Variants in LRRIQ3 observed in about 807,000 individuals in gnomAD.
LRRIQ3 encodes the protein leucine-rich repeat and IQ domain-containing protein 3.
A neutral mutation model predicts 59.3 loss-of-function variants in LRRIQ3; 75 were observed. The observed-to-expected ratio is 1.26, with a 90% confidence interval of 1.05 to 1.53. The LOEUF (loss-of-function observed/expected upper bound fraction) is 1.53. LRRIQ3 is among the 40% of genes most tolerant of loss of function. The pLI, the probability that LRRIQ3 is intolerant of heterozygous loss-of-function variation, is 0.00. For missense variants in LRRIQ3, 831 were observed against 710.0 expected, an observed-to-expected ratio of 1.17 and a Z score of -1.94; for synonymous variants, 250 against 231.3, an observed-to-expected ratio of 1.08 and a Z score of -0.73.
chr1:74,080,450 A>T (rs951637131), intron 5 of LRRIQ3, among the ~76,000 whole-genome samples: 6 of 151,694 alleles, frequency 4.0e-5, no homozygotes, highest in Non-Finnish European at 4.4e-5. Flanking sequence ...AGAGATAATG[A>T]TTTATCTTTA....
chr1:74,056,256 G>A (rs915651907), intron 6 of LRRIQ3, among the ~76,000 whole-genome samples: 2 of 151,968 alleles, frequency 1.3e-5, no homozygotes, highest in African/African-American at 4.8e-5. Flanking sequence ...CAAAACCATA[G>A]CTCATATCAT....
At chr1:74,105,770 T>C (rs987896467) in intron 5 of LRRIQ3, among the ~76,000 whole-genome samples, 1 of 152,032 alleles carries the variant, frequency 6.6e-6, no homozygotes, top group Non-Finnish European at 1.5e-5. Context: ...CAACATAGCA[T>C]GTATATAGTT....
At chr1:74,109,602 A>G (rs761412667) in intron 4 of LRRIQ3, 49 bp from the exon 5 acceptor site, 26 of 1,467,132 alleles carry the variant, frequency 1.8e-5, no homozygotes, top group Non-Finnish European at 2.4e-5. Context: ...TTGCCATTAA[A>G]AAACATGAAA....
At chr1:74,041,108 T>C in intron 7 of LRRIQ3, 105 bp downstream of exon 7, 1 of 910,218 alleles carries the variant, frequency 1.1e-6, no homozygotes, top group Non-Finnish European at 1.6e-6. Context: ...AAGTAGAATG[T>C]ACTATGTTAC....
chr1:74,128,943 C>A (rs1381098427), intron 4 of LRRIQ3, among the ~76,000 whole-genome samples: 1 of 152,040 alleles, frequency 6.6e-6, no homozygotes, highest in Non-Finnish European at 1.5e-5. Context: ...TTGTTCTCTT[C>A]CTACTTTCCC....
chr1:74,141,036 G>A (rs549387929), intron 4 of LRRIQ3, among the ~76,000 whole-genome samples: 1 of 151,780 alleles, frequency 6.6e-6, no homozygotes, highest in East Asian at 1.9e-4. Flanking sequence ...TTTGTCTACT[G>A]TAATATTTAT....
At chr1:74,128,877 C>G (rs889709132) in intron 4 of LRRIQ3, among the ~76,000 whole-genome samples, 1 of 152,060 alleles carries the variant, frequency 6.6e-6, no homozygotes. Flanking sequence ...GGTACTTCCA[C>G]GAAATTCTTC....
chr1:74,106,605 T>C (rs772949243), intron 5 of LRRIQ3, among the ~76,000 whole-genome samples: 1 of 151,982 alleles, frequency 6.6e-6, no homozygotes, highest in African/African-American at 2.4e-5. Context: ...ACTATAAGTT[T>C]ATAAGGAATT....
chr1:74,126,805 A>G (rs1022054716), intron 4 of LRRIQ3, among the ~76,000 whole-genome samples: 1 of 151,958 alleles, frequency 6.6e-6, no homozygotes, highest in Non-Finnish European at 1.5e-5. Context: ...TGTGCTGAGA[A>G]GAAGCATGTG....
At chr1:74,191,191 T>C (rs1184979379) in intron 1 of LRRIQ3, among the ~76,000 whole-genome samples, 1 of 152,126 alleles carries the variant, frequency 6.6e-6, no homozygotes, top group Non-Finnish European at 1.5e-5. Flanking sequence ...TCAAGGACAC[T>C]GTATGGTGCA....
At chr1:74,032,875 A>G (rs1001414290) in intron 7 of LRRIQ3, among the ~76,000 whole-genome samples, 3 of 151,978 alleles carry the variant, frequency 2.0e-5, no homozygotes, top group African/African-American at 7.2e-5. Context: ...AGGAGAGTTT[A>G]TTAGCTTTTT....
intron 3 of LRRIQ3, among the ~76,000 whole-genome samples, chr1:74,165,800 T>C (rs192642749): frequency 2.5e-4 from 38 of 151,710 alleles, no homozygotes; most frequent in African/African-American, 8.7e-4. Context: ...ATGTTGAAAT[T>C]TGTCAAATTT....
intron 4 of LRRIQ3, among the ~76,000 whole-genome samples, chr1:74,131,241 C>T (rs1647013455): frequency 6.6e-6 from 1 of 152,042 alleles, no homozygotes; most frequent in Admixed American, 6.6e-5. Context: ...TAATAGCCTA[C>T]AGACCAAAAA....
intron 5 of LRRIQ3, among the ~76,000 whole-genome samples, chr1:74,106,388 G>A (rs1367480581): frequency 6.6e-6 from 1 of 151,888 alleles, no homozygotes; most frequent in Non-Finnish European, 1.5e-5. Context: ...GGGGAGGAAG[G>A]GAGGGGAGCT....
chr1:74,083,947 A>G (rs1030518454), intron 5 of LRRIQ3: 9 of 391,470 alleles, frequency 2.3e-5, no homozygotes, highest in Middle Eastern at 4.6e-4. Context: ...TAGCTTTCTT[A>G]TATGAGGAAG....
Position 74,122,179 on chromosome 1 carries a change from A to T in LRRIQ3, c.708-12626T>A, listed in dbSNP as rs1345199645. 2.6e-5 allele frequency among the ~76,000 whole-genome samples: 4 copies of T among 152,108 alleles called. No homozygotes were observed. In the East Asian group the frequency reaches 7.7e-4, roughly 29 times the overall value. ...GCCACACTGACTTCCACAATGGTTG[A>T]ACTAGTGTACAGTCCCATCAACAGT... On this transcript the variant is annotated intron_variant, in intron 4 of 7. Transcript: ENST00000354431.
chr1:74,097,675 A>G (rs1274690565), intron 5 of LRRIQ3, among the ~76,000 whole-genome samples: 1 of 152,212 alleles, frequency 6.6e-6, no homozygotes, highest in African/African-American at 2.4e-5. Flanking sequence ...GTTACCCACA[A>G]AGGGAAGCCC....
intron 1 of LRRIQ3, among the ~76,000 whole-genome samples, chr1:74,184,782 C>T (rs1415769616): frequency 6.6e-6 from 1 of 151,994 alleles, no homozygotes; most frequent in Non-Finnish European, 1.5e-5. Flanking sequence ...TACAAGTAAA[C>T]CAGTCTTAAA....
chr1:74,054,920 A>G (rs1407478204), intron 6 of LRRIQ3, among the ~76,000 whole-genome samples: 2 of 147,576 alleles, frequency 1.4e-5, no homozygotes, highest in Admixed American at 6.8e-5. Context: ...ATTATATAAA[A>G]TGTATAATTG....
Sources: gnomAD v4.1 joint callset for allele counts (sites outside exome capture counted in the v4.1 genomes callset) on GRCh38, gnomAD v4.1.1 for gene constraint, MANE v1.5 for transcripts, NCBI Gene and HGNC (gene_info 2026-07-23, HGNC 2026-07-21) for gene names.